DOCK4: variants seen among roughly 807,000 people sequenced by gnomAD.
DOCK4 encodes the protein dedicator of cytokinesis protein 4.
A neutral mutation model predicts 268.1 loss-of-function variants in DOCK4; 97 were observed. That is an observed-to-expected ratio of 0.36 (90% CI 0.31 to 0.43). The LOEUF (loss-of-function observed/expected upper bound fraction) is 0.43, where lower values mean the gene tolerates loss of function less well. Among genes scored for constraint, DOCK4 ranks in the 20% least tolerant of loss-of-function variants. The pLI, the probability that DOCK4 is intolerant of heterozygous loss-of-function variation, is 1.00. For missense variants in DOCK4, 2,145 were observed against 2,455.7 expected (o/e 0.87, Z 2.67); for synonymous variants, 954 against 887.2 (o/e 1.08, Z -1.34).
At chr7:111,849,963 C>A (rs921294582) in intron 23 of DOCK4, among the ~76,000 whole-genome samples, 1 of 152,124 alleles carries the variant, frequency 6.6e-6, no homozygotes, top group Non-Finnish European at 1.5e-5. Flanking sequence ...ACACACCGTG[C>A]CCACATTTCA....
intron 1 of DOCK4, among the ~76,000 whole-genome samples, chr7:112,093,448 G>GT (rs1381074389): frequency 7.0e-6 from 1 of 142,872 alleles, no homozygotes; most frequent in African/African-American, 2.8e-5. Flanking sequence ...TACATTTAAA[G>GT]GGGGGGGGAA....
chr7:112,131,579 G>A (rs1813803093), intron 1 of DOCK4, among the ~76,000 whole-genome samples: 1 of 152,118 alleles, frequency 6.6e-6, no homozygotes, highest in Non-Finnish European at 1.5e-5. Context: ...CAAAGATAGA[G>A]TGAATGTATG....
At chr7:112,197,661 T>C (rs2116850541) in intron 1 of DOCK4, among the ~76,000 whole-genome samples, 1 of 152,332 alleles carries the variant, frequency 6.6e-6, no homozygotes, top group Admixed American at 6.5e-5. Flanking sequence ...ATAAAATGCC[T>C]CGAGATGACT....
intron 1 of DOCK4, among the ~76,000 whole-genome samples, chr7:112,141,611 T>A (rs1332094671): frequency 6.6e-6 from 1 of 152,196 alleles, no homozygotes; most frequent in Non-Finnish European, 1.5e-5. Flanking sequence ...GATACATACA[T>A]AAAATCTCCT....
At chr7:112,061,853 G>T (rs985032744) in intron 1 of DOCK4, among the ~76,000 whole-genome samples, 1 of 151,388 alleles carries the variant, frequency 6.6e-6, no homozygotes, top group Admixed American at 6.6e-5. Flanking sequence ...TTTGTTATAG[G>T]AATCTTCACT....
rs117281187 is a variant in DOCK4, at chr7:112,194,209, G to T, written c.37+11893C>A. 6.6e-5 allele frequency among the ~76,000 whole-genome samples: 10 copies of T among 152,292 alleles called. No individual in the cohort carries two copies. The East Asian group carries it at 1.5e-3, about 24-fold the overall frequency. On this transcript the variant is annotated intron_variant, in intron 1 of 52. Transcript: ENST00000428084. ...AAATTGTTGACTCTCTATGTTGAAAGGTCTGTCCTGCACAAATTATCCCTG... is the reference window on the plus strand; with the variant it reads ...AAATTGTTGACTCTCTATGTTGAAATGTCTGTCCTGCACAAATTATCCCTG...
intron 22 of DOCK4, among the ~76,000 whole-genome samples, chr7:111,863,887 C>T (rs1425003575): frequency 1.3e-5 from 2 of 152,126 alleles, no homozygotes; most frequent in Non-Finnish European, 2.9e-5. Flanking sequence ...CAACCAAGAC[C>T]TGGATTGTAG....
chr7:112,038,706 A>T (rs2135494422), intron 1 of DOCK4, among the ~76,000 whole-genome samples: 1 of 152,324 alleles, frequency 6.6e-6, no homozygotes, highest in Non-Finnish European at 1.5e-5. Context: ...GTAACAAAAA[A>T]AGTAAAATGC....
At chr7:111,832,578 A>G (rs1349578945) in intron 26 of DOCK4, among the ~76,000 whole-genome samples, 6 of 151,940 alleles carry the variant, frequency 3.9e-5, no homozygotes, top group Admixed American at 3.9e-4. Flanking sequence ...CCCAGGCTGG[A>G]GTGCAGTGGT....
At chr7:112,197,768 A>G (rs563296199) in intron 1 of DOCK4, among the ~76,000 whole-genome samples, 1 of 152,042 alleles carries the variant, frequency 6.6e-6, no homozygotes, top group Non-Finnish European at 1.5e-5. Flanking sequence ...TCTCATTTAG[A>G]CTCATTACTT....
At chr7:111,886,420 C>A (rs1483795801) in intron 16 of DOCK4, among the ~76,000 whole-genome samples, 1 of 152,150 alleles carries the variant, frequency 6.6e-6, no homozygotes, top group African/African-American at 2.4e-5. Context: ...CCCTTGAGGG[C>A]ACTGCATGTC....
rs541073498 is a variant in DOCK4 at position 111,741,389 on chromosome 7, C to T, written c.4919+151G>A. 2.9e-6 allele frequency: 4 copies of T among 1,373,896 alleles called. No individual in the cohort carries two copies. The East Asian group carries it at 9.3e-5, about 32-fold the overall frequency. The allele number at this position is 1,373,896 out of a possible 1,614,324, so 85.1% of individuals were successfully genotyped here. A position where few individuals can be genotyped will look rare whatever the true frequency, so the allele number is the denominator to read the frequency against. ...TATTTCTCATGCTGTTGCTGTTTTA[C>T]TGGTGGCAGAGGTCTGCAGCTGCCT... On this transcript the variant is annotated intron_variant, in intron 46 of 52. Transcript: ENST00000428084.
chr7:112,040,591 T>C (rs1281334699), intron 1 of DOCK4, among the ~76,000 whole-genome samples: 1 of 152,132 alleles, frequency 6.6e-6, no homozygotes, highest in South Asian at 2.1e-4. Flanking sequence ...AATAGGTAGA[T>C]GATGAGCCAC....
chr7:112,032,897 A>G (rs1055122636), intron 1 of DOCK4, among the ~76,000 whole-genome samples: 2 of 152,220 alleles, frequency 1.3e-5, no homozygotes, highest in Non-Finnish European at 2.9e-5. Flanking sequence ...TCTCTGAGGA[A>G]AGAAAAAAGT....
chr7:112,172,257 C>T (rs1160734039), intron 1 of DOCK4, among the ~76,000 whole-genome samples: 1 of 152,094 alleles, frequency 6.6e-6, no homozygotes, highest in Non-Finnish European at 1.5e-5. Context: ...ACCTAGAAGG[C>T]TAACAATTAT....
chr7:111,743,727 C>T (rs546350288), intron 44 of DOCK4, among the ~76,000 whole-genome samples: 2 of 152,190 alleles, frequency 1.3e-5, no homozygotes, highest in South Asian at 2.1e-4. Context: ...GGACAGAAGC[C>T]GGACTTGACA....
rs965499559 is a variant in DOCK4 at position 111,755,566 on chromosome 7, C to T, written c.4365G>A (p.Val1455=). 6.2e-7 allele frequency: 1 copy of T among 1,613,838 alleles called. No homozygotes were observed. The highest frequency in any genetic ancestry group is 2.2e-5 in the East Asian group (1 of 44,888). Residue 1455 remains valine, a synonymous_variant, in exon 42 of 53, where the codon GTG becomes GTA. Transcript: ENST00000428084. ...AGCGAGAGATGCCAGGCAAACTCTG[C>T]ACCAAGTATAATGACGTTCTCTCCA... The part of the protein sequence containing the change: ...LWVERTSLYL[V]QSLPGISRWF...
intron 44 of DOCK4, among the ~76,000 whole-genome samples, chr7:111,745,196 T>C (rs1171323251): frequency 6.6e-6 from 1 of 152,100 alleles, no homozygotes; most frequent in African/African-American, 2.4e-5. Flanking sequence ...TCTCTGGGGG[T>C]AGAAAATGAT....
chr7:111,858,929 A>C (rs1314919515), intron 23 of DOCK4, among the ~76,000 whole-genome samples: 3 of 152,168 alleles, frequency 2.0e-5, no homozygotes, highest in Non-Finnish European at 4.4e-5. Flanking sequence ...AACTTTTAGA[A>C]CTTCCCAGAT....
Sources: gnomAD v4.1 joint callset for allele counts (sites outside exome capture counted in the v4.1 genomes callset) on GRCh38, gnomAD v4.1.1 for gene constraint, MANE v1.5 for transcripts, NCBI Gene and HGNC (gene_info 2026-07-23, HGNC 2026-07-21) for gene names.